Variants in DMD observed in about 807,000 individuals in gnomAD.
DMD encodes the protein mutant dystrophin.
A neutral mutation model predicts 330.1 loss-of-function variants in DMD; 63 were observed. The ratio of observed to expected loss-of-function variants is 0.19; its 90% confidence interval spans 0.16 to 0.24. The LOEUF is 0.24. Among genes scored for constraint, DMD ranks in the 10% least tolerant of loss-of-function variants. The pLI, the probability that DMD is intolerant of heterozygous loss-of-function variation, is 1.00. For synonymous variants in DMD, 1,223 were observed against 959.8 expected (o/e 1.27, Z -5.07); for missense variants, 3,344 against 2,684.1 (o/e 1.25, Z -5.43).
intron 1 of DMD, among the ~76,000 whole-genome samples, chrX:33,170,684 T>C (rs1391735925): frequency 1.8e-5 from 2 of 111,956 alleles, no homozygotes; most frequent in African/African-American, 6.5e-5. Flanking sequence ...CAAAGTCCAG[T>C]GTGTATTTTA....
chrX:31,742,618 G>A (rs2087454595), intron 51 of DMD, among the ~76,000 whole-genome samples: 1 of 111,859 alleles, frequency 8.9e-6, no homozygotes, highest in Admixed American at 9.5e-5. Context: ...TTTAAGACAT[G>A]ATGCTGGGAT....
Position 32,262,536 on chromosome X carries a change from C to T in DMD, c.6290+24993G>A, listed in dbSNP as rs182940384. On this transcript the variant is annotated intron_variant, in intron 43 of 78. Transcript: ENST00000357033. Reference sequence around the variant, plus strand: ...ACAATGAAATTGTTTCCAAAAAGGACTAGCTTGGCCAATACACTACCTAAA... The same window carrying T: ...ACAATGAAATTGTTTCCAAAAAGGATTAGCTTGGCCAATACACTACCTAAA... 8.1e-5 allele frequency among the ~76,000 whole-genome samples: 9 copies of T among 111,454 alleles called. No homozygotes were observed. The East Asian group carries it at 2.3e-3, about 28-fold the overall frequency.
chrX:31,753,167 G>GTAAT (rs2088746654), intron 51 of DMD, among the ~76,000 whole-genome samples: 1 of 111,974 alleles, frequency 8.9e-6, no homozygotes, highest in Non-Finnish European at 1.9e-5. Context: ...GGGTGTGAGG[G>GTAAT]AGGTGGCGAG....
chrX:32,663,960 A>G (rs931673552), intron 9 of DMD, among the ~76,000 whole-genome samples: 4 of 111,286 alleles, frequency 3.6e-5, no homozygotes, highest in African/African-American at 1.3e-4. Flanking sequence ...GGAGGAGGTG[A>G]TTGTGCATGG....
At chrX:32,354,471 A>T (rs963288824) in intron 37 of DMD, among the ~76,000 whole-genome samples, 1 of 111,618 alleles carries the variant, frequency 9.0e-6, no homozygotes, top group Non-Finnish European at 1.9e-5. Context: ...CTATCTGTAG[A>T]GGAAAAGAAC....
At chrX:32,199,745 C>T (rs1320909446) in intron 44 of DMD, among the ~76,000 whole-genome samples, 1 of 107,081 alleles carries the variant, frequency 9.3e-6, no homozygotes, top group Non-Finnish European at 1.9e-5. Context: ...TCCTGAGTAG[C>T]TGGGACTATC....
chrX:33,328,482 C>T lies in DMD; in HGVS notation c.7+10777G>A, dbSNP rs374979260. ...AAATGCTGGGATTACAGGCATGAGC[C>T]ACCACGCCCGGCCCATACAGGTTTA... On this transcript the variant is annotated intron_variant, in intron 1 of 17. Transcript: ENST00000288447. Among the ~76,000 whole-genome samples the T allele has an allele frequency of 1.8e-3, 204 of 111,416 alleles. 1 individual carries two copies. Among genetic ancestry groups the T allele is most frequent in the African/African-American group, 6.5e-3 (198 of 30,680 alleles).
At chrX:33,163,572 A>G (rs1179266016) in intron 1 of DMD, among the ~76,000 whole-genome samples, 3 of 103,242 alleles carry the variant, frequency 2.9e-5, no homozygotes, top group East Asian at 2.9e-4. Flanking sequence ...ATATATATAT[A>G]TATGTATATG....
At chrX:32,196,867 T>C (rs1331238531) in intron 44 of DMD, among the ~76,000 whole-genome samples, 2 of 107,183 alleles carry the variant, frequency 1.9e-5, no homozygotes, top group Admixed American at 1.0e-4. Flanking sequence ...GCGCCTGTAG[T>C]ACCAGCTACT....
chrX:32,994,165 G>A (rs2093054744), intron 2 of DMD, among the ~76,000 whole-genome samples: 1 of 110,259 alleles, frequency 9.1e-6, no homozygotes, highest in Admixed American at 9.7e-5. Context: ...CTACTTCAGA[G>A]CAAGGCCAGA....
intron 54 of DMD, among the ~76,000 whole-genome samples, chrX:31,643,244 C>T (rs1186667889): frequency 2.7e-5 from 3 of 111,237 alleles, no homozygotes; most frequent in Non-Finnish European, 5.7e-5. Flanking sequence ...AACATTTGTC[C>T]GATTATATTA....
At chrX:32,057,132 C>T (rs1287111304) in intron 44 of DMD, among the ~76,000 whole-genome samples, 2 of 110,674 alleles carry the variant, frequency 1.8e-5, no homozygotes, top group Admixed American at 1.9e-4. Flanking sequence ...TAATAAAAAC[C>T]GTATATGAAA....
In DMD at chrX:32,644,282, C is replaced by A. The variant is rs747399187; in HGVS notation, c.1181G>T (p.Gly394Val). ...GYMMDLTAHQ[G>V]RVGNILQLGS... ...CAATTGTAGAATATTACCAACCCGG[C>A]CCTGATGGGCTGTCAAATCCATCAT... Residue 394 changes from glycine to valine, a missense_variant, in exon 11 of 79, where the codon GGC becomes GTC. Transcript: ENST00000357033. 1 of 1,211,028 alleles carries A rather than the reference C, an allele frequency of 8.3e-7. No individual in the cohort carries two copies. Among genetic ancestry groups the A allele is most frequent in the Admixed American group, 2.2e-5 (1 of 45,927 alleles).
chrX:32,872,107 C>T (rs1212372367), intron 2 of DMD, among the ~76,000 whole-genome samples: 2 of 111,535 alleles, frequency 1.8e-5, no homozygotes, highest in Non-Finnish European at 3.8e-5. Context: ...TGAATGATTA[C>T]TTGTATCAGC....
At position 32,064,022 on chromosome X, in the gene DMD, A is replaced by G. The variant is rs185423921; in HGVS notation, c.6439-95508T>C. On this transcript the variant is annotated intron_variant, in intron 44 of 78. Coordinates refer to ENST00000357033, the MANE Select transcript of DMD (RefSeq NM_004006.3). ...ATGAATATTTTCAGTGGATACTATT[A>G]CAAAGCTCAAAGTGGAGGTTAAAAG... 8.5e-4 allele frequency among the ~76,000 whole-genome samples: 95 copies of G among 111,408 alleles called. No homozygotes were observed. In the East Asian group the frequency reaches 0.018, roughly 21 times the overall value.
At chrX:33,138,074 T>C (rs2047609205) in intron 1 of DMD, among the ~76,000 whole-genome samples, 1 of 110,432 alleles carries the variant, frequency 9.1e-6, no homozygotes, top group Non-Finnish European at 1.9e-5. Flanking sequence ...AAAAAGAGAG[T>C]CAGTGTATAA....
At chrX:31,750,484 G>C (rs2088429517) in intron 51 of DMD, among the ~76,000 whole-genome samples, 1 of 110,718 alleles carries the variant, frequency 9.0e-6, no homozygotes, top group African/African-American at 3.3e-5. Flanking sequence ...TGAGGGCTCT[G>C]TTCTGTTCCA....
chrX:32,262,626 C>T (rs57029022), intron 43 of DMD, among the ~76,000 whole-genome samples: 14,680 of 109,775 alleles, frequency 0.13, 799 homozygotes, highest in Admixed American at 0.16. Flanking sequence ...TAAAGATTAC[C>T]GTAGCGAACA....
At chrX:31,862,933 T>A (rs993847021) in intron 48 of DMD, among the ~76,000 whole-genome samples, 6 of 112,848 alleles carry the variant, frequency 5.3e-5, no homozygotes, top group African/African-American at 1.9e-4. Context: ...AATGCAGCAG[T>A]TACGTCAGGC....
Sources: allele counts gnomAD v4.1 joint callset (sites outside exome capture counted in the v4.1 genomes callset), GRCh38; gene constraint gnomAD v4.1.1; transcripts MANE v1.5; gene names NCBI Gene and HGNC (gene_info 2026-07-23, HGNC 2026-07-21).